The following CALD1 variants were observed in gnomAD, a reference collection of about 807,000 sequenced individuals.
The protein encoded by CALD1 is caldesmon 1.
Under a neutral mutation model 99.9 loss-of-function variants are expected in CALD1, and 33 were observed. The ratio of observed to expected loss-of-function variants is 0.33; its 90% CI spans 0.25 to 0.44. The LOEUF (loss-of-function observed/expected upper bound fraction) is 0.44, where lower values mean the gene tolerates loss of function less well. CALD1 is among the 20% of genes least tolerant of loss of function. CALD1 has a pLI of 1.00. For synonymous variants in CALD1, 310 were observed against 325.0 expected (o/e 0.95, Z 0.50); for missense variants, 861 against 962.1 (o/e 0.89, Z 1.39).
At chr7:134,836,592 T>C (rs1210111220) in intron 1 of CALD1, among the ~76,000 whole-genome samples, 1 of 152,184 alleles carries the variant, frequency 6.6e-6, no homozygotes, top group Non-Finnish European at 1.5e-5. Context: ...CAGCTCAAAC[T>C]TCAGGTACAC....
At chr7:134,857,979 T>C (rs1800389286) in intron 2 of CALD1, among the ~76,000 whole-genome samples, 1 of 152,172 alleles carries the variant, frequency 6.6e-6, no homozygotes, top group South Asian at 2.1e-4. Flanking sequence ...TATCCTACTT[T>C]ATATTAGCAA....
intron 3 of CALD1, chr7:134,891,359 A>G: frequency 8.1e-7 from 1 of 1,229,116 alleles, no homozygotes; most frequent in Non-Finnish European, 1.0e-6. Context: ...AGATTACAGT[A>G]AAAAATAACA....
intron 3 of CALD1, among the ~76,000 whole-genome samples, chr7:134,900,500 G>A (rs928370587): frequency 3.3e-5 from 5 of 152,034 alleles, no homozygotes; most frequent in African/African-American, 7.3e-5. Flanking sequence ...GTGTAGCTGC[G>A]CTGCAGGTTG....
chr7:134,954,183 A>G (rs1029554030), intron 9 of CALD1, among the ~76,000 whole-genome samples: 1 of 152,230 alleles, frequency 6.6e-6, no homozygotes, highest in Non-Finnish European at 1.5e-5. Context: ...CTTGTTTGGG[A>G]AAGTCTGTAC....
At chr7:134,858,721 C>T (rs1452948860) in intron 2 of CALD1, among the ~76,000 whole-genome samples, 1 of 152,068 alleles carries the variant, frequency 6.6e-6, no homozygotes, top group African/African-American at 2.4e-5. Flanking sequence ...AGGTGTGCGC[C>T]ACCACACCCA....
At chr7:134,954,461 A>G (rs1220380410) in intron 9 of CALD1, among the ~76,000 whole-genome samples, 1 of 152,210 alleles carries the variant, frequency 6.6e-6, no homozygotes, top group Non-Finnish European at 1.5e-5. Flanking sequence ...TTAATATACA[A>G]ATTCAGTACA....
chr7:134,730,335 C>G, the CALD1 span, among the ~76,000 whole-genome samples: 1 of 151,842 alleles, frequency 6.6e-6, no homozygotes, highest in Non-Finnish European at 1.5e-5. Flanking sequence ...GAAACAAAAT[C>G]ATACCAAACA....
chr7:134,856,131 C>T (rs116425342), intron 2 of CALD1, among the ~76,000 whole-genome samples: 2 of 152,316 alleles, frequency 1.3e-5, no homozygotes, highest in African/African-American at 4.8e-5. Flanking sequence ...CAAAGATCCT[C>T]CTTTTGCCTC....
chr7:134,959,370 C>T (rs968720074), intron 11 of CALD1, among the ~76,000 whole-genome samples: 2 of 151,944 alleles, frequency 1.3e-5, no homozygotes, highest in East Asian at 3.9e-4. Flanking sequence ...ATACAGTAGG[C>T]ATTTAAGAAG....
At chr7:134,857,191 C>CA (rs1800343974) in intron 2 of CALD1, among the ~76,000 whole-genome samples, 1 of 101,010 alleles carries the variant, frequency 9.9e-6, no homozygotes. Flanking sequence ...TTTTTGGAGA[C>CA]AGAGTCTCGC....
chr7:134,894,130 T>G (rs145215545), intron 3 of CALD1, among the ~76,000 whole-genome samples: 31 of 152,310 alleles, frequency 2.0e-4, no homozygotes, highest in African/African-American at 5.8e-4. Flanking sequence ...TCTCTAGGAA[T>G]GTCCTTGTGG....
At chr7:134,962,065 T>TC (rs1474738524) in intron 13 of CALD1, 1 of 152,162 alleles carries the variant, frequency 6.6e-6, no homozygotes, top group Non-Finnish European at 1.5e-5. Context: ...GATCTATGTT[T>TC]CCCTCTTTGA....
intron 1 of CALD1, among the ~76,000 whole-genome samples, chr7:134,806,324 G>T (rs768861): frequency 6.6e-6 from 1 of 151,820 alleles, no homozygotes; most frequent in Non-Finnish European, 1.5e-5. Context: ...CCACGGTTTA[G>T]CTTCCTCATT....
At chr7:134,744,021 G>A (rs1291976598), upstream of CALD1, among the ~76,000 whole-genome samples, 5 of 152,216 alleles carry the variant, frequency 3.3e-5, no homozygotes, top group African/African-American at 1.2e-4. Flanking sequence ...TAAGCGGGCT[G>A]TGTTAAGGTC....
chr7:134,947,376 C>A, intron 7 of CALD1, 132 bp from the exon 8 acceptor site: 1 of 898,448 alleles, frequency 1.1e-6, no homozygotes. Context: ...CTTCCCCAGC[C>A]TACCCCCTGG....
At chr7:134,919,172 G>A (rs946976025) in intron 3 of CALD1, among the ~76,000 whole-genome samples, 3 of 152,134 alleles carry the variant, frequency 2.0e-5, no homozygotes, top group African/African-American at 7.2e-5. Context: ...ATTCAGAAAT[G>A]AGCCTGTACG....
intron 1 of CALD1, among the ~76,000 whole-genome samples, chr7:134,803,722 G>A (rs1344979854): frequency 7.3e-6 from 1 of 137,450 alleles, no homozygotes; most frequent in Non-Finnish European, 1.5e-5. Flanking sequence ...TTTTGAGACA[G>A]TCTCACTGTG....
intron 1 of CALD1, among the ~76,000 whole-genome samples, chr7:134,794,007 A>G (rs1271263126): frequency 6.6e-6 from 1 of 152,102 alleles, no homozygotes; most frequent in Non-Finnish European, 1.5e-5. Flanking sequence ...TTTTGGGTAC[A>G]GACTGGACTG....
At chr7:134,767,457 C>T (rs1013998714) in intron 1 of CALD1, among the ~76,000 whole-genome samples, 1 of 152,232 alleles carries the variant, frequency 6.6e-6, no homozygotes, top group East Asian at 1.9e-4. Flanking sequence ...CAGAACCTCA[C>T]CCAAAATAGA....
Sources: allele counts gnomAD v4.1 joint callset (sites outside exome capture counted in the v4.1 genomes callset), GRCh38; gene constraint gnomAD v4.1.1; transcripts MANE v1.5; gene names NCBI Gene and HGNC (gene_info 2026-07-23, HGNC 2026-07-21).